Variants in NUFIP1 observed in about 807,000 individuals in gnomAD.
The protein encoded by NUFIP1 is FMR1-interacting protein NUFIP1.
NUFIP1 carries 38 observed loss-of-function variants against 56.2 expected under a neutral mutation model. That is an observed-to-expected ratio of 0.68 (90% CI 0.52 to 0.89). The LOEUF is 0.89. Among genes scored for constraint, NUFIP1 ranks in the 40% least tolerant of loss-of-function variants. The probability of loss-of-function intolerance (pLI) is 0.00; values close to 1 mark genes in which losing one functional copy is unlikely to be tolerated. For missense variants in NUFIP1, 567 were observed against 605.8 expected, an observed-to-expected ratio of 0.94 and a Z score of 0.67; for synonymous variants, 215 against 212.4, an observed-to-expected ratio of 1.01 and a Z score of -0.10.
intron 1 of NUFIP1, among the ~76,000 whole-genome samples, chr13:44,988,029 C>T (rs956096329): frequency 6.6e-6 from 1 of 152,188 alleles, no homozygotes; most frequent in African/African-American, 2.4e-5. Flanking sequence ...CTGCCCGTAC[C>T]CCTATTCTCC....
intron 6 of NUFIP1, among the ~76,000 whole-genome samples, chr13:44,961,403 G>T (rs1336788687): frequency 6.6e-6 from 1 of 152,130 alleles, no homozygotes; most frequent in Non-Finnish European, 1.5e-5. Context: ...TAGGGACATA[G>T]AATTCAGATA....
intron 1 of NUFIP1, among the ~76,000 whole-genome samples, chr13:44,986,552 C>T (rs1279344202): frequency 6.6e-6 from 1 of 151,858 alleles, no homozygotes; most frequent in Non-Finnish European, 1.5e-5. Flanking sequence ...ATCAGCCGGG[C>T]GTGGTGGTGG....
At chr13:44,984,053 C>T (rs1055192794) in intron 1 of NUFIP1, among the ~76,000 whole-genome samples, 1 of 152,104 alleles carries the variant, frequency 6.6e-6, no homozygotes, top group African/African-American at 2.4e-5. Flanking sequence ...TATTTTCTTA[C>T]CCTACCCTTC....
intron 7 of NUFIP1, among the ~76,000 whole-genome samples, chr13:44,951,781 G>A (rs971992926): frequency 6.6e-6 from 1 of 152,204 alleles, no homozygotes; most frequent in Non-Finnish European, 1.5e-5. Context: ...CATATGAAGT[G>A]TGCAATAGCA....
At chr13:44,984,516 C>G (rs573789726) in intron 1 of NUFIP1, among the ~76,000 whole-genome samples, 29 of 152,088 alleles carry the variant, frequency 1.9e-4, no homozygotes, top group Non-Finnish European at 3.7e-4. Context: ...GTAGTGCGTG[C>G]CTGTAGTCCC....
chr13:44,975,897 C>T (rs1871956208), intron 5 of NUFIP1, among the ~76,000 whole-genome samples: 1 of 152,208 alleles, frequency 6.6e-6, no homozygotes, highest in South Asian at 2.1e-4. Context: ...GATAGAAGAA[C>T]CGAAGTTGGC....
intron 6 of NUFIP1, among the ~76,000 whole-genome samples, chr13:44,963,211 C>T (rs1871484448): frequency 6.6e-6 from 1 of 152,056 alleles, no homozygotes; most frequent in South Asian, 2.1e-4. Context: ...TTTATACAGG[C>T]CTTGAATTTT....
At chr13:44,983,858 C>T (rs1566065472) in intron 1 of NUFIP1, among the ~76,000 whole-genome samples, 1 of 152,162 alleles carries the variant, frequency 6.6e-6, no homozygotes, top group Non-Finnish European at 1.5e-5. Context: ...CCATGTGATG[C>T]CTTTCTTGAT....
At chr13:44,983,511 G>C (rs577772424) in intron 1 of NUFIP1, among the ~76,000 whole-genome samples, 1 of 152,226 alleles carries the variant, frequency 6.6e-6, no homozygotes, top group South Asian at 2.1e-4. Flanking sequence ...AAAAGTTGAG[G>C]GAGGGGCTGG....
At chr13:44,962,981 A>C (rs1410450771) in intron 6 of NUFIP1, among the ~76,000 whole-genome samples, 2 of 152,182 alleles carry the variant, frequency 1.3e-5, no homozygotes, top group Non-Finnish European at 1.5e-5. Flanking sequence ...TATGATATTC[A>C]TAACGACAAA....
At chr13:44,972,022 T>C (rs1404229420) in intron 5 of NUFIP1, among the ~76,000 whole-genome samples, 1 of 152,160 alleles carries the variant, frequency 6.6e-6, no homozygotes, top group African/African-American at 2.4e-5. Context: ...CACTGCACCC[T>C]ACCATCTCCT....
rs564536092 is a variant in NUFIP1, at chr13:44,973,757, G to A, written c.734+5433C>T. Among the ~76,000 whole-genome samples, 165 of 152,334 alleles carry A rather than the reference G, an allele frequency of 1.1e-3. 1 individual carries two copies. Among genetic ancestry groups the A allele is most frequent in the African/African-American group, 3.7e-3 (154 of 41,570 alleles). On this transcript the variant is annotated intron_variant, in intron 5 of 9. Coordinates refer to ENST00000379161, the MANE Select transcript of NUFIP1 (RefSeq NM_012345.3). ...GAAAAAATATACCCAAAAGTGGATGGATTTCAGATGAGCTAAGAGCAATGA... is the reference window on the plus strand; with the variant it reads ...GAAAAAATATACCCAAAAGTGGATGAATTTCAGATGAGCTAAGAGCAATGA...
intron 5 of NUFIP1, among the ~76,000 whole-genome samples, chr13:44,969,841 C>T (rs180848145): frequency 7.9e-5 from 12 of 152,238 alleles, no homozygotes; most frequent in African/African-American, 2.6e-4. Context: ...TGGCTTTTCC[C>T]CTCTGCCTGT....
intron 7 of NUFIP1, 27 bp from the exon 8 acceptor site, chr13:44,949,865 A>G: frequency 7.0e-7 from 1 of 1,431,652 alleles, no homozygotes; most frequent in South Asian, 1.1e-5. Flanking sequence ...TCAGATTCAA[A>G]ACATCTACCA....
At chr13:44,965,785 A>C (rs754898910) in intron 6 of NUFIP1, 59 bp downstream of exon 6, 17 of 841,062 alleles carry the variant, frequency 2.0e-5, no homozygotes, top group Non-Finnish European at 3.1e-5. Flanking sequence ...TGAGTACATA[A>C]GGGTTTTAAG....
intron 6 of NUFIP1, among the ~76,000 whole-genome samples, chr13:44,961,132 G>A (rs920610213): frequency 5.9e-5 from 9 of 152,074 alleles, no homozygotes; most frequent in East Asian, 1.9e-4. Flanking sequence ...GTGCGGGGGC[G>A]GGGAAGACAG....
intron 6 of NUFIP1, among the ~76,000 whole-genome samples, chr13:44,961,010 G>C (rs1871403817): frequency 6.8e-6 from 1 of 147,804 alleles, no homozygotes; most frequent in Admixed American, 6.9e-5. Flanking sequence ...CCGAGATTGT[G>C]CCACTGCACT....
chr13:44,980,358 T>C (rs1424324629), intron 3 of NUFIP1, among the ~76,000 whole-genome samples: 1 of 152,188 alleles, frequency 6.6e-6, no homozygotes, highest in East Asian at 1.9e-4. Context: ...CCTTTGAGGG[T>C]GATAGGCACA....
chr13:44,945,978 C>T (rs980819058), intron 8 of NUFIP1, among the ~76,000 whole-genome samples: 1 of 152,094 alleles, frequency 6.6e-6, no homozygotes, highest in African/African-American at 2.4e-5. Flanking sequence ...TGGTGCCAGA[C>T]TGTTAGGTTC....
Sources: allele counts gnomAD v4.1 joint callset (sites outside exome capture counted in the v4.1 genomes callset), GRCh38; gene constraint gnomAD v4.1.1; transcripts MANE v1.5; gene names NCBI Gene and HGNC (gene_info 2026-07-23, HGNC 2026-07-21).